Variants in SAMD8 observed in about 807,000 individuals in gnomAD.
The protein encoded by SAMD8 is sterile alpha motif domain containing 8, also known as sphingomyelin synthase-related protein 1.
SAMD8 carries 20 observed loss-of-function variants against 42.0 expected under a neutral mutation model. The observed-to-expected ratio is 0.48, with a 90% CI of 0.34 to 0.69. SAMD8 has a LOEUF of 0.69. Among genes scored for constraint, SAMD8 ranks in the 30% least tolerant of loss-of-function variants. The probability of loss-of-function intolerance (pLI) is 0.01; values close to 1 mark genes in which losing one functional copy is unlikely to be tolerated. For synonymous variants in SAMD8, 162 were observed against 173.0 expected (o/e 0.94, Z 0.50); for missense variants, 328 against 511.6 (o/e 0.64, Z 3.46).
At chr10:75,148,009 A>C (rs1840183958) in intron 1 of SAMD8, among the ~76,000 whole-genome samples, 2 of 152,194 alleles carry the variant, frequency 1.3e-5, no homozygotes, top group Admixed American at 6.5e-5. Flanking sequence ...CTTTGTAAAA[A>C]ATACAGACTC....
chr10:75,107,937 G>A (rs1056503234), upstream of SAMD8: 5 of 1,532,708 alleles, frequency 3.3e-6, no homozygotes, highest in Non-Finnish European at 4.4e-6. Flanking sequence ...AGGAAATGAG[G>A]CATCCTCCCC....
rs771343335 is a variant in SAMD8, at chr10:75,124,791, ATTTTTCTTTCTT to A, written c.-16+13079_-16+13090del. Among the ~76,000 whole-genome samples the A allele has an allele frequency of 1.1e-3, 162 of 146,070 alleles. 1 individual carries two copies. The South Asian group carries it at 0.013, about 12-fold the overall frequency. On this transcript the variant is annotated intron_variant, in intron 1 of 5. Coordinates refer to ENST00000542569, the MANE Select transcript of SAMD8 (RefSeq NM_001174156.2). ...CAATCTGTTTTACACTCTTAAGACA[ATTTTTCTTTCTT>A]TTTTTCTTTTTTTTTTTTCCTAAGA... is the stretch of plus-strand genomic sequence containing the variant.
At chr10:75,111,421 C>G (rs1265283354), upstream of SAMD8, 2 of 970,266 alleles carry the variant, frequency 2.1e-6, no homozygotes, top group Non-Finnish European at 2.7e-6. Context: ...AGCCTCGCGT[C>G]TTTTCCAGTG....
intron 1 of SAMD8, among the ~76,000 whole-genome samples, chr10:75,145,436 T>G (rs1423686080): frequency 6.6e-6 from 1 of 152,238 alleles, no homozygotes; most frequent in East Asian, 1.9e-4. Flanking sequence ...CCAGACATTA[T>G]GAATTAGTTG....
chr10:75,163,573 T>TA (rs932218297), intron 2 of SAMD8, among the ~76,000 whole-genome samples: 2 of 152,016 alleles, frequency 1.3e-5, no homozygotes, highest in Non-Finnish European at 2.9e-5. Context: ...AGCTGGGACT[T>TA]ACAGGCGCGC....
chr10:75,103,281 C>T lies in SAMD8; in HGVS notation c.-16+3553C>T, dbSNP rs376598042. ...GGGGCCCTCAGTTAGGGGCCAAGGC[C>T]GATGGGACAGGTCCAGGATAAAGAC... On this transcript the variant is annotated intron_variant, in intron 1 of 3. Transcript: ENST00000447533. Among the ~76,000 whole-genome samples, 19 of 152,344 alleles carry T rather than the reference C, an allele frequency of 1.2e-4. No individual in the cohort carries two copies. In the South Asian group the frequency reaches 3.5e-3, roughly 28 times the overall value.
intron 1 of SAMD8, among the ~76,000 whole-genome samples, chr10:75,132,349 A>T (rs1260397337): frequency 6.6e-6 from 1 of 152,172 alleles, no homozygotes; most frequent in Non-Finnish European, 1.5e-5. Context: ...ATGCTTGAGC[A>T]TTCTTTTTAG....
chr10:75,100,588 C>A (rs573479834), intron 1 of SAMD8, among the ~76,000 whole-genome samples: 10 of 152,182 alleles, frequency 6.6e-5, no homozygotes, highest in Non-Finnish European at 1.5e-4. Context: ...ACAGGCCCAA[C>A]GTCCAGCAGG....
chr10:75,140,009 G>T lies in SAMD8; in HGVS notation c.-15-10505G>T, dbSNP rs4746267. ...TATGAATTGAGGTTTTTACATATGG[G>T]TATCCATTTGTTCCAGCATCATTTA... On this transcript the variant is annotated intron_variant, in intron 1 of 5. Coordinates refer to ENST00000542569, the MANE Select transcript of SAMD8 (RefSeq NM_001174156.2). Among the ~76,000 whole-genome samples the T allele has an allele frequency of 7.2e-4, 110 of 152,018 alleles. No individual in the cohort carries two copies. In the East Asian group the frequency reaches 0.019, roughly 26 times the overall value.
At chr10:75,152,788 C>T (rs1489447666) in intron 2 of SAMD8, among the ~76,000 whole-genome samples, 1 of 152,040 alleles carries the variant, frequency 6.6e-6, no homozygotes, top group Non-Finnish European at 1.5e-5. Context: ...ATCACTTGAG[C>T]CTAACAGGTT....
At chr10:75,104,626 T>G (rs144902338) in intron 1 of SAMD8, among the ~76,000 whole-genome samples, 3 of 152,140 alleles carry the variant, frequency 2.0e-5, no homozygotes, top group African/African-American at 7.2e-5. Context: ...TGCCATTCCA[T>G]GGGAAACATG....
intron 1 of SAMD8, among the ~76,000 whole-genome samples, chr10:75,114,432 A>C (rs1302692234): frequency 2.0e-5 from 3 of 152,194 alleles, no homozygotes; most frequent in African/African-American, 7.2e-5. Flanking sequence ...TTTTGATTTC[A>C]GTACCATAAC....
intron 4 of SAMD8, among the ~76,000 whole-genome samples, chr10:75,172,960 T>C (rs918082018): frequency 6.6e-6 from 1 of 152,216 alleles, no homozygotes; most frequent in Non-Finnish European, 1.5e-5. Context: ...AAGAAAAATA[T>C]AAGCTTATTA....
At chr10:75,105,501 GCAGTTTGGAGAGAGGGC>G (rs1167736363) in intron 1 of SAMD8, among the ~76,000 whole-genome samples, 1 of 152,208 alleles carries the variant, frequency 6.6e-6, no homozygotes, top group East Asian at 1.9e-4. Context: ...AGGGAACCCA[GCAGTTTGGAGAGAGGGC>G]CAGGCCCCCT....
intron 1 of SAMD8, among the ~76,000 whole-genome samples, chr10:75,132,043 T>C (rs776298161): frequency 2.8e-4 from 42 of 152,186 alleles, no homozygotes; most frequent in Non-Finnish European, 6.0e-4. Flanking sequence ...CCTTTGTATA[T>C]GTAGTTTCCT....
intron 1 of SAMD8, among the ~76,000 whole-genome samples, chr10:75,136,582 G>C (rs1839890809): frequency 2.0e-5 from 3 of 152,192 alleles, no homozygotes; most frequent in African/African-American, 7.2e-5. Flanking sequence ...ACTTGCAAGA[G>C]AGAGAAACTT....
In SAMD8 at chr10:75,150,499, G is replaced by A; in HGVS notation, c.-15-15G>A. 5 of 1,575,304 alleles carry A rather than the reference G, an allele frequency of 3.2e-6. No homozygotes were observed. Among genetic ancestry groups the A allele is most frequent in the Non-Finnish European group, 4.3e-6 (5 of 1,165,302 alleles). On this transcript the variant is annotated splice_polypyrimidine_tract_variant and intron_variant, in intron 1 of 5. Coordinates refer to ENST00000542569, the MANE Select transcript of SAMD8 (RefSeq NM_001174156.2). ...ACTGAAGCTTTTGTTTTGTTTTCCT[G>A]TTTTCTCTCTACAGGCAGCGGAGGA...
chr10:75,168,406 C>CT, intron 3 of SAMD8, 135 bp from the exon 4 acceptor site: 1 of 1,488,450 alleles, frequency 6.7e-7, no homozygotes, highest in Non-Finnish European at 8.9e-7. Flanking sequence ...TTTTGATGGT[C>CT]TTTAAGATTT....
At chr10:75,152,096 A>T (rs965433371) in intron 2 of SAMD8, among the ~76,000 whole-genome samples, 2 of 151,860 alleles carry the variant, frequency 1.3e-5, no homozygotes, top group Admixed American at 6.6e-5. Flanking sequence ...CTGCTTTTTC[A>T]AAAATATTGA....
Sources: gnomAD v4.1 joint callset for allele counts (sites outside exome capture counted in the v4.1 genomes callset) on GRCh38, gnomAD v4.1.1 for gene constraint, MANE v1.5 for transcripts, NCBI Gene and HGNC (gene_info 2026-07-23, HGNC 2026-07-21) for gene names.